KLHL1: variants seen among roughly 807,000 people sequenced by gnomAD.
KLHL1 encodes kelch-like protein 1.
Under a neutral mutation model 77.7 loss-of-function variants are expected in KLHL1, and 47 were observed. The ratio of observed to expected loss-of-function variants is 0.60; its 90% CI spans 0.48 to 0.77. KLHL1 has a LOEUF of 0.77. Among genes scored for constraint, KLHL1 ranks in the 30% least tolerant of loss-of-function variants. The probability of loss-of-function intolerance (pLI) is 0.00; values close to 1 mark genes in which losing one functional copy is unlikely to be tolerated. For synonymous variants in KLHL1, 360 were observed against 325.2 expected (o/e 1.11, Z -1.15); for missense variants, 925 against 910.8 (o/e 1.02, Z -0.20).
chr13:69,872,778 C>T (rs1880630677), intron 5 of KLHL1, among the ~76,000 whole-genome samples: 1 of 152,048 alleles, frequency 6.6e-6, no homozygotes, highest in Non-Finnish European at 1.5e-5. Flanking sequence ...GTGGGAGGGG[C>T]AAGGCTCTTT....
At chr13:69,719,898 A>G (rs960718719) in intron 8 of KLHL1, among the ~76,000 whole-genome samples, 1 of 152,078 alleles carries the variant, frequency 6.6e-6, no homozygotes, top group African/African-American at 2.4e-5. Flanking sequence ...AATAAATATT[A>G]AGAAATGGCT....
At chr13:70,086,606 G>GAAAAA (rs1887548408) in intron 1 of KLHL1, among the ~76,000 whole-genome samples, 1 of 45,574 alleles carries the variant, frequency 2.2e-5, no homozygotes, top group Non-Finnish European at 4.5e-5. Flanking sequence ...AAGAAAGAAA[G>GAAAAA]AAAGAAAGAA....
intron 6 of KLHL1, among the ~76,000 whole-genome samples, chr13:69,822,814 T>A: frequency 6.6e-6 from 1 of 152,304 alleles, no homozygotes; most frequent in Non-Finnish European, 1.5e-5. Context: ...AATATAATTA[T>A]CTGATAAAGA....
chr13:69,932,408 A>G (rs1027980003), intron 4 of KLHL1, among the ~76,000 whole-genome samples: 2 of 151,834 alleles, frequency 1.3e-5, no homozygotes, highest in Admixed American at 1.3e-4. Context: ...CTTCCTTCTG[A>G]CATATCATAA....
intron 6 of KLHL1, among the ~76,000 whole-genome samples, chr13:69,812,427 G>C (rs1458684076): frequency 6.6e-6 from 1 of 152,136 alleles, no homozygotes; most frequent in Non-Finnish European, 1.5e-5. Context: ...AGGACTTCAT[G>C]TCTAAAACAC....
intron 4 of KLHL1, among the ~76,000 whole-genome samples, chr13:69,917,309 A>C (rs1261387240): frequency 1.3e-5 from 2 of 152,104 alleles, no homozygotes; most frequent in African/African-American, 4.8e-5. Flanking sequence ...AACTAAAATC[A>C]ACCAATTCTA....
chr13:70,096,814 C>T (rs568763987), intron 1 of KLHL1, among the ~76,000 whole-genome samples: 170 of 151,950 alleles, frequency 1.1e-3, no homozygotes, highest in Non-Finnish European at 2.2e-3. Flanking sequence ...TGGCTGGCTA[C>T]CTCCTATTGC....
intron 2 of KLHL1, among the ~76,000 whole-genome samples, chr13:69,963,678 G>T (rs1884132895): frequency 1.3e-5 from 2 of 152,152 alleles, no homozygotes; most frequent in South Asian, 2.1e-4. Flanking sequence ...CATGGATATT[G>T]TAAGAAATTT....
At chr13:70,085,918 AGTCT>A (rs1459795540) in intron 1 of KLHL1, among the ~76,000 whole-genome samples, 2 of 152,286 alleles carry the variant, frequency 1.3e-5, no homozygotes, top group African/African-American at 4.8e-5. Flanking sequence ...GGATTATGTG[AGTCT>A]GTCTATCCAT....
At chr13:69,750,882 T>C (rs910954468) in intron 7 of KLHL1, among the ~76,000 whole-genome samples, 7 of 152,030 alleles carry the variant, frequency 4.6e-5, no homozygotes, top group Non-Finnish European at 4.4e-5. Context: ...CTGGGAACCT[T>C]TGAAAAAATA....
chr13:70,062,027 G>C (rs1350848834), intron 1 of KLHL1, among the ~76,000 whole-genome samples: 1 of 152,126 alleles, frequency 6.6e-6, no homozygotes, highest in Non-Finnish European at 1.5e-5. Flanking sequence ...CAGTGCTGAA[G>C]AACACCAGAA....
intron 5 of KLHL1, among the ~76,000 whole-genome samples, chr13:69,839,596 A>G (rs1270700605): frequency 6.6e-6 from 1 of 152,014 alleles, no homozygotes; most frequent in Non-Finnish European, 1.5e-5. Context: ...AAATGTTTCA[A>G]GTATAGTTTA....
intron 1 of KLHL1, among the ~76,000 whole-genome samples, chr13:69,994,804 G>C (rs1273517194): frequency 1.3e-5 from 2 of 152,030 alleles, no homozygotes; most frequent in Admixed American, 6.6e-5. Flanking sequence ...GAATACTGTA[G>C]AGGAAAAATT....
chr13:69,730,873 C>A (rs961314382), intron 8 of KLHL1, among the ~76,000 whole-genome samples: 5 of 152,060 alleles, frequency 3.3e-5, no homozygotes, highest in African/African-American at 1.2e-4. Flanking sequence ...AGCCACTGTG[C>A]CTGGACGGAG....
chr13:69,728,135 T>C (rs1873383921), intron 8 of KLHL1, among the ~76,000 whole-genome samples: 1 of 152,058 alleles, frequency 6.6e-6, no homozygotes, highest in Non-Finnish European at 1.5e-5. Flanking sequence ...ATTTCTTTTT[T>C]TTCTTTCTTT....
At chr13:69,727,002 A>C (rs1873331186) in intron 8 of KLHL1, among the ~76,000 whole-genome samples, 1 of 152,120 alleles carries the variant, frequency 6.6e-6, no homozygotes, top group South Asian at 2.1e-4. Context: ...GCACCTGTTT[A>C]AGTTCCACTG....
At chr13:69,794,664 G>A (rs1253819183) in intron 7 of KLHL1, among the ~76,000 whole-genome samples, 1 of 151,964 alleles carries the variant, frequency 6.6e-6, no homozygotes, top group African/African-American at 2.4e-5. Context: ...ACAGTACGTA[G>A]CCTAACAGAG....
chr13:69,896,927 C>A (rs1041547306), intron 4 of KLHL1, among the ~76,000 whole-genome samples: 1 of 152,046 alleles, frequency 6.6e-6, no homozygotes. Flanking sequence ...GCCTCAGCCT[C>A]CCAATGTGCC....
At chr13:69,809,144 A>G (rs1431993917) in intron 6 of KLHL1, among the ~76,000 whole-genome samples, 1 of 152,170 alleles carries the variant, frequency 6.6e-6, no homozygotes, top group Non-Finnish European at 1.5e-5. Flanking sequence ...ATTTGAGGAT[A>G]TAACTCGGAA....
Sources: allele counts gnomAD v4.1 joint callset (sites outside exome capture counted in the v4.1 genomes callset), GRCh38; gene constraint gnomAD v4.1.1; transcripts MANE v1.5; gene names NCBI Gene and HGNC (gene_info 2026-07-23, HGNC 2026-07-21).